The following KIF25 variants were observed in gnomAD, a reference collection of about 807,000 sequenced individuals.
KIF25 encodes kinesin-like protein KIF25.
Under a neutral mutation model 32.9 loss-of-function variants are expected in KIF25, and 19 were observed. That is an observed-to-expected ratio of 0.58 (90% CI 0.40 to 0.85). The LOEUF is 0.85. KIF25 is among the 40% of genes least tolerant of loss of function. KIF25 has a pLI of 0.00. For synonymous variants in KIF25, 225 were observed against 213.7 expected, an observed-to-expected ratio of 1.05 and a Z score of -0.46; for missense variants, 485 against 507.0, an observed-to-expected ratio of 0.96 and a Z score of 0.42.
chr6:168,042,449 C>T, intron 11 of KIF25, 112 bp from the exon 12 acceptor site: 2 of 1,334,834 alleles, frequency 1.5e-6, no homozygotes, highest in Non-Finnish European at 2.1e-6. Context: ...CCTGTCCCGT[C>T]CATGGCCTCC....
chr6:168,038,063 A>G (rs879659195), intron 8 of KIF25, among the ~76,000 whole-genome samples: 1 of 152,102 alleles, frequency 6.6e-6, no homozygotes, highest in Non-Finnish European at 1.5e-5. Flanking sequence ...GTCTTGCAGG[A>G]AAGTTGCAGT....
intron 8 of KIF25, among the ~76,000 whole-genome samples, chr6:168,035,401 A>T (rs1171276972): frequency 9.7e-5 from 4 of 41,288 alleles, no homozygotes; most frequent in Admixed American, 3.8e-4. Context: ...AAGCATATCC[A>T]GGGCGGCAAA....
rs1205851369 is a variant in KIF25, at chr6:167,998,160, G to C, written c.-1309G>C. 1 of 150,848 alleles carries C rather than the reference G, an allele frequency of 6.6e-6. No individual in the cohort carries two copies. Among genetic ancestry groups the C allele is most frequent in the Non-Finnish European group, 1.5e-5 (1 of 67,852 alleles). The allele number at this position is 150,848 out of a possible 1,614,324, so 9.3% of individuals were successfully genotyped here. On this transcript the variant is annotated 5_prime_UTR_variant, in exon 1 of 13. Coordinates refer to ENST00000643607, the MANE Select transcript of KIF25 (RefSeq NM_030615.4). ...CTTCAGAAAGTCTCACTACGCTGCA[G>C]CTTTTTTTTTTTTTAATCTGGAGCA...
At chr6:168,007,226 C>A (rs961721622) in intron 4 of KIF25, among the ~76,000 whole-genome samples, 4 of 152,124 alleles carry the variant, frequency 2.6e-5, no homozygotes, top group Non-Finnish European at 5.9e-5. Flanking sequence ...GCCTGGCCAA[C>A]ATGGTGAAAC....
In KIF25 at chr6:167,998,569, C is replaced by T. The variant is rs1798454190; in HGVS notation, c.-900C>T. The T allele has an allele frequency of 6.6e-6, 1 of 152,160 alleles. No homozygotes were observed. The highest frequency in any genetic ancestry group is 1.5e-5 in the Non-Finnish European group (1 of 68,014). The allele number at this position is 152,160 out of a possible 1,614,324, so 9.4% of individuals were successfully genotyped here. On this transcript the variant is annotated 5_prime_UTR_variant, in exon 1 of 13. Coordinates refer to ENST00000643607, the MANE Select transcript of KIF25 (RefSeq NM_030615.4). Reference sequence around the variant, plus strand: ...CAGTGGAGTTTATGAGAATAAAAAGCTTCTAATTTCCTTCCAGTCATTAAA... The same window carrying T: ...CAGTGGAGTTTATGAGAATAAAAAGTTTCTAATTTCCTTCCAGTCATTAAA...
chr6:168,039,520 G>A (rs1799084794), intron 9 of KIF25, among the ~76,000 whole-genome samples: 1 of 152,360 alleles, frequency 6.6e-6, no homozygotes, highest in South Asian at 2.1e-4. Context: ...AGGCAGCAAG[G>A]GAAGGGCCCA....
At chr6:168,016,830 G>A (rs879837290) in intron 4 of KIF25, among the ~76,000 whole-genome samples, 1 of 152,250 alleles carries the variant, frequency 6.6e-6, no homozygotes, top group Non-Finnish European at 1.5e-5. Flanking sequence ...ATAGCAGTGG[G>A]CATGGGGCAG....
intron 12 of KIF25, 89 bp from the exon 13 acceptor site, chr6:168,044,738 C>T (rs569621599): frequency 4.1e-5 from 56 of 1,349,930 alleles, no homozygotes; most frequent in African/African-American, 4.0e-4. Context: ...TCTCTGCAGC[C>T]GCCCATCTCG....
chr6:168,012,962 C>T (rs1272307618), intron 4 of KIF25, among the ~76,000 whole-genome samples: 2 of 150,874 alleles, frequency 1.3e-5, no homozygotes, highest in Non-Finnish European at 2.9e-5. Flanking sequence ...GGGATGTGTC[C>T]ACCAGGGGTG....
intron 8 of KIF25, among the ~76,000 whole-genome samples, chr6:168,035,444 A>AGGCGGGAACGGCGCTGCGGGGGGG (rs1799005316): frequency 2.4e-3 from 42 of 17,446 alleles, no homozygotes; most frequent in African/African-American, 7.2e-3. Context: ...GCGGCGGAGG[A>AGGCGGGAACGGCGCTGCGGGGGGG]GGCGGGAACG....
chr6:168,023,371 G>A (rs1293256310), intron 5 of KIF25, among the ~76,000 whole-genome samples: 2 of 149,740 alleles, frequency 1.3e-5, no homozygotes, highest in Admixed American at 6.7e-5. Context: ...GGGTTCGAGC[G>A]ATTCTCCTGC....
chr6:168,031,515 A>G (rs1583140463), intron 7 of KIF25, among the ~76,000 whole-genome samples: 2 of 152,216 alleles, frequency 1.3e-5, no homozygotes, highest in Admixed American at 6.5e-5. Context: ...CCAAAGGCAC[A>G]TGATCCAACG....
chr6:168,029,786 G>T, intron 6 of KIF25, 109 bp downstream of exon 6: 1 of 1,394,242 alleles, frequency 7.2e-7, no homozygotes, highest in East Asian at 2.4e-5. Context: ...TGTATTTTCT[G>T]AGTGAAAAGT....
intron 4 of KIF25, among the ~76,000 whole-genome samples, chr6:168,009,094 C>G (rs1435399950): frequency 3.0e-4 from 46 of 152,070 alleles, no homozygotes; most frequent in Admixed American, 3.0e-3. Flanking sequence ...ATTGCTATGA[C>G]TAGGACTTCC....
At chr6:168,038,474 G>A (rs753733695) in intron 8 of KIF25, 79 bp from the exon 9 acceptor site, 48 of 1,438,612 alleles carry the variant, frequency 3.3e-5, no homozygotes, top group South Asian at 7.5e-5. Context: ...CCTGTAGGGC[G>A]TCTGGGGCTA....
chr6:168,045,049 A>C lies in KIF25; in HGVS notation c.*53A>C, dbSNP rs1485601672. ...CTGTGTTTCTTGTCCTTGCTTTATAATGCATATGTGCTTAGAAATAAACAG... is the reference window on the plus strand; with the variant it reads ...CTGTGTTTCTTGTCCTTGCTTTATACTGCATATGTGCTTAGAAATAAACAG... On this transcript the variant is annotated 3_prime_UTR_variant, in exon 13 of 13. Transcript: ENST00000643607. The C allele has an allele frequency of 6.6e-7, 1 of 1,505,390 alleles. No homozygotes were observed. The highest frequency in any genetic ancestry group is 1.4e-5 in the African/African-American group (1 of 71,590). The allele number at this position is 1,505,390 out of a possible 1,614,324, so 93.3% of individuals were successfully genotyped here.
intron 5 of KIF25, among the ~76,000 whole-genome samples, chr6:168,022,191 G>A (rs561153822): frequency 3.9e-5 from 6 of 152,054 alleles, no homozygotes; most frequent in African/African-American, 7.2e-5. Flanking sequence ...ACCATTACCC[G>A]CTTTTGAGAT....
chr6:168,020,749 C>A (rs1047058872), intron 5 of KIF25, among the ~76,000 whole-genome samples: 1 of 151,538 alleles, frequency 6.6e-6, no homozygotes, highest in Non-Finnish European at 1.5e-5. Flanking sequence ...AAAAAAGATA[C>A]ATGGAATTAT....
chr6:168,014,458 T>C (rs1458925238), intron 4 of KIF25, among the ~76,000 whole-genome samples: 1 of 152,218 alleles, frequency 6.6e-6, no homozygotes, highest in East Asian at 1.9e-4. Context: ...ACATTTTGGA[T>C]TCTGTTTTTA....
Sources: allele counts gnomAD v4.1 joint callset (sites outside exome capture counted in the v4.1 genomes callset), GRCh38; gene constraint gnomAD v4.1.1; transcripts MANE v1.5; gene names NCBI Gene and HGNC (gene_info 2026-07-23, HGNC 2026-07-21).